Variants in CWF19L2 observed in about 807,000 individuals in gnomAD.
CWF19L2 encodes the protein CWF19 like cell cycle control factor 2.
In CWF19L2, 98 loss-of-function variants were observed where a neutral mutation model predicts 111.7. That is an observed-to-expected ratio of 0.88 (90% CI 0.75 to 1.04). The LOEUF is 1.04. CWF19L2 is among the 50% of genes least tolerant of loss of function. CWF19L2 has a pLI of 0.00. For missense variants in CWF19L2, 1,101 were observed against 1,051.4 expected (o/e 1.05, Z -0.65); for synonymous variants, 351 against 342.9 (o/e 1.02, Z -0.26).
chr11:107,334,814 G>C (rs889393675), intron 16 of CWF19L2, 67 bp downstream of exon 16: 1 of 1,000,718 alleles, frequency 1.0e-6, no homozygotes, highest in African/African-American at 1.6e-5. Context: ...TGTCAACTAA[G>C]ACATGGAAAT....
At chr11:107,448,121 A>C (rs989314016) in intron 3 of CWF19L2, among the ~76,000 whole-genome samples, 3 of 151,942 alleles carry the variant, frequency 2.0e-5, no homozygotes, top group African/African-American at 7.2e-5. Context: ...TGAGGCAGGC[A>C]GATCACGAGG....
At chr11:107,442,795 GGAGGGAGGGAGGGA>G (rs1861645160) in intron 4 of CWF19L2, 130 bp downstream of exon 4, 1 of 201,730 alleles carries the variant, frequency 5.0e-6, no homozygotes, top group African/African-American at 1.5e-4. Flanking sequence ...AGGAAGGAAG[GGAGGGAGGGAGGGA>G]GGGAGGGAGG....
chr11:107,363,163 T>C (rs1860383329), intron 12 of CWF19L2, among the ~76,000 whole-genome samples: 1 of 151,992 alleles, frequency 6.6e-6, no homozygotes, highest in Admixed American at 6.6e-5. Flanking sequence ...CCAAGAAATA[T>C]GGGACTATGT....
chr11:107,332,310 G>A (rs956858411), intron 16 of CWF19L2, among the ~76,000 whole-genome samples: 2 of 151,980 alleles, frequency 1.3e-5, no homozygotes, highest in Non-Finnish European at 2.9e-5. Context: ...TGCTTTTCTC[G>A]ACAGTTACTT....
chr11:107,424,095 A>G (rs1861340726), intron 8 of CWF19L2, among the ~76,000 whole-genome samples: 1 of 151,724 alleles, frequency 6.6e-6, no homozygotes, highest in Admixed American at 6.6e-5. Flanking sequence ...TGGGAATCAT[A>G]TGTCAAAAAA....
chr11:107,435,712 CT>C (rs1331895993), intron 6 of CWF19L2, among the ~76,000 whole-genome samples: 3 of 151,908 alleles, frequency 2.0e-5, no homozygotes, highest in African/African-American at 4.8e-5. Flanking sequence ...ATAATGAAGT[CT>C]TTTTGGTAAG....
intron 16 of CWF19L2, among the ~76,000 whole-genome samples, chr11:107,332,036 G>A (rs1194068191): frequency 6.6e-6 from 1 of 152,134 alleles, no homozygotes; most frequent in African/African-American, 2.4e-5. Context: ...TTTATTTATG[G>A]TAGAAAAATA....
intron 3 of CWF19L2, among the ~76,000 whole-genome samples, chr11:107,450,334 T>C (rs1012163953): frequency 4.0e-5 from 6 of 151,874 alleles, no homozygotes; most frequent in Non-Finnish European, 8.8e-5. Context: ...AATAATTAAA[T>C]CCAAAGTCAA....
chr11:107,442,922 T>A lies in CWF19L2; in HGVS notation c.450+17A>T. On this transcript the variant is annotated intron_variant, in intron 4 of 17. Coordinates refer to ENST00000282251, the MANE Select transcript of CWF19L2 (RefSeq NM_152434.3). Reference sequence around the variant, plus strand: ...GAAGGAAGAAAGCAAGGAAGGAAAATCAAGTGGCTTGCTTACCTTGATAAT... The same window carrying A: ...GAAGGAAGAAAGCAAGGAAGGAAAAACAAGTGGCTTGCTTACCTTGATAAT... 1 of 1,454,084 alleles carries A rather than the reference T, an allele frequency of 6.9e-7. No homozygotes were observed. Among genetic ancestry groups the A allele is most frequent in the African/African-American group, 1.4e-5 (1 of 70,132 alleles). The allele number at this position is 1,454,084 out of a possible 1,614,324, so 90.1% of individuals were successfully genotyped here. A position where few individuals can be genotyped will look rare whatever the true frequency, so the allele number is the denominator to read the frequency against.
intron 4 of CWF19L2, 132 bp downstream of exon 4, chr11:107,442,807 G>GGA: frequency 2.5e-6 from 1 of 396,966 alleles, no homozygotes; most frequent in Admixed American, 4.0e-5. Flanking sequence ...AGGGAGGGAG[G>GGA]GAGGGAGGGA....
chr11:107,346,669 C>T (rs1860084998), intron 14 of CWF19L2, among the ~76,000 whole-genome samples: 1 of 152,170 alleles, frequency 6.6e-6, no homozygotes, highest in Non-Finnish European at 1.5e-5. Flanking sequence ...CAGAACACTA[C>T]AGGATTCTCC....
intron 14 of CWF19L2, among the ~76,000 whole-genome samples, chr11:107,343,112 T>C (rs1399103035): frequency 6.6e-6 from 1 of 152,236 alleles, no homozygotes; most frequent in Non-Finnish European, 1.5e-5. Flanking sequence ...GGCAATTTGT[T>C]ACAGCAACAA....
intron 12 of CWF19L2, among the ~76,000 whole-genome samples, chr11:107,372,553 A>C (rs1052341640): frequency 1.5e-5 from 2 of 137,014 alleles, no homozygotes; most frequent in African/African-American, 5.9e-5. Context: ...ACATTTAAAA[A>C]TGTGGTCTTT....
intron 14 of CWF19L2, among the ~76,000 whole-genome samples, chr11:107,346,895 G>A (rs1860088174): frequency 6.6e-6 from 1 of 152,114 alleles, no homozygotes. Context: ...GGTCTGGCTA[G>A]CCCCAAGAAA....
rs548874135 is a variant in CWF19L2, at chr11:107,370,919, T to G, written c.1873-17183A>C. 1.4e-5 allele frequency among the ~76,000 whole-genome samples: 2 copies of G among 137,940 alleles called. 1 individual carries two copies. The highest frequency in any genetic ancestry group is 4.2e-4 in the East Asian group (2 of 4,814). The allele number at this position is 137,940 out of a possible 152,430, so 90.5% of individuals were successfully genotyped here. A position where few individuals can be genotyped will look rare whatever the true frequency, so the allele number is the denominator to read the frequency against. ...GAGAGACATAAGTACCTTTTATCAT[T>G]TGTCTGTACAATACCTTTAAGAAAA... On this transcript the variant is annotated intron_variant, in intron 12 of 17. Coordinates refer to ENST00000282251, the MANE Select transcript of CWF19L2 (RefSeq NM_152434.3).
intron 14 of CWF19L2, among the ~76,000 whole-genome samples, chr11:107,341,728 A>G (rs1454197907): frequency 6.6e-6 from 1 of 152,122 alleles, no homozygotes; most frequent in Non-Finnish European, 1.5e-5. Flanking sequence ...TGGAGATTTA[A>G]TTTTTTAGAA....
At chr11:107,341,931 G>A (rs1860010705) in intron 14 of CWF19L2, among the ~76,000 whole-genome samples, 1 of 151,914 alleles carries the variant, frequency 6.6e-6, no homozygotes, top group South Asian at 2.1e-4. Context: ...TCTGATATTG[G>A]TAACTTGTTT....
chr11:107,350,849 G>T (rs781676903), intron 13 of CWF19L2, among the ~76,000 whole-genome samples: 2 of 151,954 alleles, frequency 1.3e-5, no homozygotes, highest in Non-Finnish European at 2.9e-5. Flanking sequence ...AAGGAAGGAA[G>T]GGTAGACACA....
chr11:107,357,965 A>G (rs1860263342), intron 12 of CWF19L2, among the ~76,000 whole-genome samples: 1 of 152,202 alleles, frequency 6.6e-6, no homozygotes, highest in Non-Finnish European at 1.5e-5. Context: ...TCATTTAGAC[A>G]GAACCCTTTA....
Sources: allele counts gnomAD v4.1 joint callset (sites outside exome capture counted in the v4.1 genomes callset), GRCh38; gene constraint gnomAD v4.1.1; transcripts MANE v1.5; gene names NCBI Gene and HGNC (gene_info 2026-07-23, HGNC 2026-07-21).